UBE2E2: variants seen among roughly 807,000 people sequenced by gnomAD.
UBE2E2 encodes ubiquitin-conjugating enzyme E2 E2.
Under a neutral mutation model 24.7 loss-of-function variants are expected in UBE2E2, and 6 were observed. That is an observed-to-expected ratio of 0.24 (90% CI 0.13 to 0.48). The LOEUF (loss-of-function observed/expected upper bound fraction) is 0.48. Ranked by LOEUF, UBE2E2 falls within the 20% of genes least tolerant of loss-of-function variation. The pLI, the probability that UBE2E2 is intolerant of heterozygous loss-of-function variation, is 0.99. For missense variants in UBE2E2, 169 were observed against 245.0 expected (o/e 0.69, Z 2.07); for synonymous variants, 104 against 83.6 (o/e 1.24, Z -1.33).
intron 3 of UBE2E2, among the ~76,000 whole-genome samples, chr3:23,266,130 C>A (rs1443357371): frequency 6.6e-6 from 1 of 152,162 alleles, no homozygotes; most frequent in Admixed American, 6.5e-5. Flanking sequence ...TTAATTTGAG[C>A]ATTTAGTCCA....
intron 5 of UBE2E2, among the ~76,000 whole-genome samples, chr3:23,551,590 A>G (rs1025625872): frequency 2.6e-5 from 4 of 152,220 alleles, no homozygotes; most frequent in African/African-American, 9.7e-5. Context: ...AATCACAGAA[A>G]CAATATGTTG....
chr3:23,571,530 C>T (rs1337433372), intron 5 of UBE2E2, among the ~76,000 whole-genome samples: 3 of 151,648 alleles, frequency 2.0e-5, no homozygotes, highest in African/African-American at 4.8e-5. Context: ...CCTCGTGATC[C>T]GCCCATCTCG....
At chr3:23,384,318 C>G (rs1696752212) in intron 3 of UBE2E2, among the ~76,000 whole-genome samples, 1 of 149,446 alleles carries the variant, frequency 6.7e-6, no homozygotes, top group Non-Finnish European at 1.5e-5. Flanking sequence ...CATGTTCTGC[C>G]ACACCCAGCT....
At chr3:23,514,525 CT>C (rs1238541382) in intron 4 of UBE2E2, among the ~76,000 whole-genome samples, 2 of 152,046 alleles carry the variant, frequency 1.3e-5, no homozygotes, top group Non-Finnish European at 2.9e-5. Context: ...AAGGCAGGGC[CT>C]TGCTTTTCCC....
intron 4 of UBE2E2, among the ~76,000 whole-genome samples, chr3:23,528,374 A>T (rs1381755367): frequency 6.6e-6 from 1 of 152,204 alleles, no homozygotes; most frequent in Admixed American, 6.5e-5. Flanking sequence ...AATTCATTGA[A>T]GGAAAATACA....
At chr3:23,314,353 C>T (rs1345252715) in intron 3 of UBE2E2, among the ~76,000 whole-genome samples, 2 of 152,120 alleles carry the variant, frequency 1.3e-5, no homozygotes, top group Non-Finnish European at 2.9e-5. Context: ...TGGTCTCATA[C>T]TCCTGGGCTC....
At chr3:23,329,106 T>G (rs1215854240) in intron 3 of UBE2E2, among the ~76,000 whole-genome samples, 1 of 152,220 alleles carries the variant, frequency 6.6e-6, no homozygotes, top group African/African-American at 2.4e-5. Flanking sequence ...TAACAAAATT[T>G]TTGTTGAACA....
rs1222839923 is a variant in UBE2E2 at position 23,413,808 on chromosome 3, C to CTGG, written c.228-85798_228-85796dup. 4.6e-5 allele frequency among the ~76,000 whole-genome samples: 7 copies of CTGG among 152,294 alleles called. No individual in the cohort carries two copies. The East Asian group carries it at 1.3e-3, about 29-fold the overall frequency. ...TGCTCCCAGGCTACCAGCACTGCAC[C>CTGG]TGGTACATGTCAGGCATCCAGTGCA... On this transcript the variant is annotated intron_variant, in intron 3 of 5. Transcript: ENST00000396703.
intron 3 of UBE2E2, among the ~76,000 whole-genome samples, chr3:23,491,153 G>A (rs1435514718): frequency 1.3e-5 from 2 of 152,058 alleles, no homozygotes; most frequent in African/African-American, 2.4e-5. Flanking sequence ...GACTTTGGCA[G>A]TATTGGTTTT....
chr3:23,234,309 C>G (rs1299215630), intron 3 of UBE2E2, among the ~76,000 whole-genome samples: 1 of 151,940 alleles, frequency 6.6e-6, no homozygotes, highest in Non-Finnish European at 1.5e-5. Flanking sequence ...AATCAGCCAG[C>G]TGGGGACTCC....
At chr3:23,401,768 C>T (rs2125371887) in intron 3 of UBE2E2, among the ~76,000 whole-genome samples, 1 of 151,846 alleles carries the variant, frequency 6.6e-6, no homozygotes, top group East Asian at 1.9e-4. Flanking sequence ...GCAACCTCTG[C>T]CTCCTGGGTT....
intron 3 of UBE2E2, among the ~76,000 whole-genome samples, chr3:23,287,006 C>T (rs924110977): frequency 1.3e-5 from 2 of 152,058 alleles, no homozygotes; most frequent in African/African-American, 4.8e-5. Context: ...TTTTTATGTT[C>T]CAGATCTTAG....
intron 5 of UBE2E2, among the ~76,000 whole-genome samples, chr3:23,553,561 T>C (rs1695702107): frequency 6.6e-6 from 1 of 152,172 alleles, no homozygotes; most frequent in African/African-American, 2.4e-5. Context: ...CTGAAGGAAA[T>C]GGTTTCATTT....
At chr3:23,408,909 T>C (rs1697432559) in intron 3 of UBE2E2, among the ~76,000 whole-genome samples, 1 of 152,186 alleles carries the variant, frequency 6.6e-6, no homozygotes, top group African/African-American at 2.4e-5. Context: ...TTGAGTTTTA[T>C]GTGACTCAAA....
intron 3 of UBE2E2, among the ~76,000 whole-genome samples, chr3:23,287,076 T>C (rs1381070529): frequency 6.6e-6 from 1 of 152,166 alleles, no homozygotes; most frequent in Non-Finnish European, 1.5e-5. Flanking sequence ...CTGTCATATA[T>C]AGCTTTTATT....
chr3:23,522,148 T>TA (rs58369100), intron 4 of UBE2E2, among the ~76,000 whole-genome samples: 1 of 115,170 alleles, frequency 8.7e-6, no homozygotes, highest in African/African-American at 4.1e-5. Flanking sequence ...TTTTTTTTTT[T>TA]GAGGCAGAGT....
rs898330187 is a variant in UBE2E2, at chr3:23,562,775, G to A, written c.509-26959G>A. ...TGTTATTGGTCTATTAAAAGATTCA[G>A]CTTCTTCCTGGTTTAGTCTTGGGAG... On this transcript the variant is annotated intron_variant, in intron 5 of 5. Transcript: ENST00000396703. Among the ~76,000 whole-genome samples the A allele has an allele frequency of 2.6e-4, 39 of 152,156 alleles. No homozygotes were observed. The South Asian group carries it at 3.7e-3, about 15-fold the overall frequency.
chr3:23,330,905 C>A (rs1695040989), intron 3 of UBE2E2, among the ~76,000 whole-genome samples: 1 of 152,112 alleles, frequency 6.6e-6, no homozygotes, highest in Non-Finnish European at 1.5e-5. Flanking sequence ...TGTTAAGCTA[C>A]TTAATTTTTT....
At chr3:23,445,116 A>G (rs1698397388) in intron 3 of UBE2E2, among the ~76,000 whole-genome samples, 1 of 152,184 alleles carries the variant, frequency 6.6e-6, no homozygotes, top group African/African-American at 2.4e-5. Context: ...CGCATTTAGC[A>G]ATAGCTTTTC....
Sources: allele counts gnomAD v4.1 joint callset (sites outside exome capture counted in the v4.1 genomes callset), GRCh38; gene constraint gnomAD v4.1.1; transcripts MANE v1.5; gene names NCBI Gene and HGNC (gene_info 2026-07-23, HGNC 2026-07-21).